The following GPT2 variants were observed in gnomAD, a reference collection of about 807,000 sequenced individuals.
The protein encoded by GPT2 is glutamic--pyruvic transaminase 2.
A neutral mutation model predicts 56.9 loss-of-function variants in GPT2; 30 were observed. That is an observed-to-expected ratio of 0.53 (90% CI 0.39 to 0.72). The LOEUF (loss-of-function observed/expected upper bound fraction) is 0.72. Ranked by LOEUF, GPT2 falls within the 30% of genes least tolerant of loss-of-function variation. The pLI is 0.00. For missense variants in GPT2, 542 were observed against 703.4 expected (o/e 0.77, Z 2.60); for synonymous variants, 271 against 283.1 (o/e 0.96, Z 0.43).
chr16:46,905,125 T>TGGCTCACTGCAACCTC, intron 4 of GPT2, among the ~76,000 whole-genome samples: 1 of 152,024 alleles, frequency 6.6e-6, no homozygotes, highest in South Asian at 2.1e-4. Flanking sequence ...GGCGCAATCT[T>TGGCTCACTGCAACCTC]GGCTCACTGC....
intron 3 of GPT2, among the ~76,000 whole-genome samples, chr16:46,898,973 CACAT>C (rs1374640415): frequency 1.5e-3 from 13 of 8,790 alleles, no homozygotes; most frequent in South Asian, 0.017. Context: ...TATACACACA[CACAT>C]ATATATATAT....
intron 3 of GPT2, among the ~76,000 whole-genome samples, chr16:46,898,328 A>G (rs750493606): frequency 4.1e-4 from 62 of 152,254 alleles, no homozygotes; most frequent in Non-Finnish European, 7.4e-4. Flanking sequence ...GCAGTGACCC[A>G]GCTCCCTCCT....
chr16:46,885,448 C>A, intron 2 of GPT2: 2 of 981,074 alleles, frequency 2.0e-6, no homozygotes, highest in Non-Finnish European at 2.4e-6. Flanking sequence ...GTCTCTTTCT[C>A]CGTGTCTTTG....
At chr16:46,922,601 G>A (rs993884310) in intron 9 of GPT2, among the ~76,000 whole-genome samples, 185 bp downstream of exon 9, 17 of 152,344 alleles carry the variant, frequency 1.1e-4, no homozygotes, top group Non-Finnish European at 2.2e-4. Context: ...GCGCAGCTGG[G>A]CATTGTTTGG....
At chr16:46,926,066 G>A (rs1351663174) in intron 10 of GPT2, among the ~76,000 whole-genome samples, 1 of 148,650 alleles carries the variant, frequency 6.7e-6, no homozygotes, top group Non-Finnish European at 1.5e-5. Flanking sequence ...GGGAGCTGGA[G>A]GTTGTAGTGA....
At chr16:46,887,517 A>C (rs1960506950) in intron 2 of GPT2, among the ~76,000 whole-genome samples, 1 of 152,206 alleles carries the variant, frequency 6.6e-6, no homozygotes. Flanking sequence ...TAGGATTTGT[A>C]GGGAGTAGGG....
intron 2 of GPT2, among the ~76,000 whole-genome samples, chr16:46,890,060 C>G (rs893898487): frequency 6.6e-5 from 10 of 152,234 alleles, no homozygotes; most frequent in Non-Finnish European, 1.5e-4. Flanking sequence ...GGGCCTACAC[C>G]CTGTCTTCCC....
At chr16:46,895,083 T>A (rs192674496) in intron 2 of GPT2, among the ~76,000 whole-genome samples, 65 of 152,244 alleles carry the variant, frequency 4.3e-4, no homozygotes, top group Admixed American at 1.8e-3. Flanking sequence ...ACGCCCTGTT[T>A]ATGATGGTCC....
Position 46,907,098 on chromosome 16 carries a change from G to A in GPT2, c.576+123G>A, listed in dbSNP as rs1056239199. On this transcript the variant is annotated intron_variant, in intron 5 of 11. Coordinates refer to ENST00000340124, the MANE Select transcript of GPT2 (RefSeq NM_133443.4). ...GTGGCAGCACGGGTGGCCACCCTCTGGTCCCCCAGCCCTGGCAGCCTGCAG... is the reference window on the plus strand; with the variant it reads ...GTGGCAGCACGGGTGGCCACCCTCTAGTCCCCCAGCCCTGGCAGCCTGCAG... 15 of 1,293,214 alleles carry A rather than the reference G, an allele frequency of 1.2e-5. No individual in the cohort carries two copies. The African/African-American group carries it at 2.2e-4, about 19-fold the overall frequency. The allele number at this position is 1,293,214 out of a possible 1,614,324, so 80.1% of individuals were successfully genotyped here.
intron 3 of GPT2, among the ~76,000 whole-genome samples, chr16:46,898,977 T>C (rs28362045): frequency 7.9e-3 from 54 of 6,798 alleles, no homozygotes; most frequent in African/African-American, 0.011. Flanking sequence ...CACACACACA[T>C]ATATATATAT....
At chr16:46,925,995 G>A (rs1596636518) in intron 10 of GPT2, among the ~76,000 whole-genome samples, 1 of 151,582 alleles carries the variant, frequency 6.6e-6, no homozygotes, top group African/African-American at 2.4e-5. Flanking sequence ...GCTGGACATG[G>A]TGGCCTGCAG....
In GPT2 at chr16:46,924,553, C is replaced by T. The variant is rs979479319; in HGVS notation, c.1368+9C>T. ...CTGTGGAGGCTGCTCAGGTCTGGGG[C>T]ATGGGCTGGGCTGGCTCTCTCTTAC... is the stretch of plus-strand genomic sequence containing the variant. On this transcript the variant is annotated intron_variant, in intron 10 of 11. Coordinates refer to ENST00000340124, the MANE Select transcript of GPT2 (RefSeq NM_133443.4). 2.5e-6 allele frequency: 4 copies of T among 1,613,430 alleles called. No individual in the cohort carries two copies. In the African/African-American group the frequency reaches 5.3e-5, roughly 22 times the overall value.
Position 46,884,761 on chromosome 16 carries a change from AC to A in GPT2, c.51del (p.Ser18AlafsTer36). On this transcript the variant is annotated frameshift_variant, in exon 2 of 12. Coordinates refer to ENST00000340124, the MANE Select transcript of GPT2 (RefSeq NM_133443.4). LOFTEE classifies it high-confidence loss of function. The stretch of plus-strand genomic sequence containing the variant: ...GGTCCGGCGGGGCTGTGGTCCCCGG[AC>A]CCCCAGCTCCTGGGGCCGCAGCCAG... The part of the protein sequence containing the change: ...ALVRRGCGPR[T>X]PSSWGRSQSS... 1 of 1,455,676 alleles carries A rather than the reference AC, an allele frequency of 6.9e-7. No homozygotes were observed. The allele number at this position is 1,455,676 out of a possible 1,614,324, so 90.2% of individuals were successfully genotyped here. A position where few individuals can be genotyped will look rare whatever the true frequency, so the allele number is the denominator to read the frequency against.
chr16:46,892,931 C>T (rs552709373), intron 2 of GPT2, among the ~76,000 whole-genome samples: 3 of 152,236 alleles, frequency 2.0e-5, no homozygotes, highest in Non-Finnish European at 2.9e-5. Context: ...ATATAAATGG[C>T]GTAGTATTTG....
At chr16:46,905,569 A>G (rs1960908450) in intron 4 of GPT2, among the ~76,000 whole-genome samples, 1 of 151,994 alleles carries the variant, frequency 6.6e-6, no homozygotes, top group African/African-American at 2.4e-5. Context: ...TCCACATCTG[A>G]CCCCCAGCCC....
At chr16:46,911,452 C>G (rs1266270071) in intron 6 of GPT2, among the ~76,000 whole-genome samples, 1 of 152,108 alleles carries the variant, frequency 6.6e-6, no homozygotes, top group African/African-American at 2.4e-5. Flanking sequence ...GTGCAGCTGG[C>G]GATACCACTG....
intron 2 of GPT2, among the ~76,000 whole-genome samples, chr16:46,890,623 T>C (rs777386333): frequency 6.6e-6 from 1 of 152,168 alleles, no homozygotes; most frequent in Non-Finnish European, 1.5e-5. Flanking sequence ...CCCATTTTTA[T>C]TGAGGGGGAG....
At chr16:46,923,270 C>T (rs1313234808) in intron 9 of GPT2, among the ~76,000 whole-genome samples, 11 of 152,098 alleles carry the variant, frequency 7.2e-5, no homozygotes, top group South Asian at 2.1e-4. Flanking sequence ...GAGACCAGCC[C>T]GGCCAACATG....
At chr16:46,886,444 C>T (rs1430733101) in intron 2 of GPT2, among the ~76,000 whole-genome samples, 1 of 152,192 alleles carries the variant, frequency 6.6e-6, no homozygotes, top group Non-Finnish European at 1.5e-5. Context: ...GACAGAAGGG[C>T]ACTGTCTTTG....
Sources: gnomAD v4.1 joint callset for allele counts (sites outside exome capture counted in the v4.1 genomes callset) on GRCh38, gnomAD v4.1.1 for gene constraint, MANE v1.5 for transcripts, NCBI Gene and HGNC (gene_info 2026-07-23, HGNC 2026-07-21) for gene names.